The following SCIN variants were observed in gnomAD, a reference collection of about 807,000 sequenced individuals.
SCIN encodes adseverin.
In SCIN, 91 loss-of-function variants were observed where a neutral mutation model predicts 91.8. The ratio of observed to expected loss-of-function variants is 0.99; its 90% CI spans 0.84 to 1.18. SCIN has a LOEUF of 1.18. SCIN is among the 50% of genes most tolerant of loss of function. The pLI, the probability that SCIN is intolerant of heterozygous loss-of-function variation, is 0.00. For synonymous variants in SCIN, 367 were observed against 312.6 expected, an observed-to-expected ratio of 1.17 and a Z score of -1.84; for missense variants, 1,087 against 863.9, an observed-to-expected ratio of 1.26 and a Z score of -3.24.
chr7:12,583,074 G>A (rs1782521391), intron 3 of SCIN, among the ~76,000 whole-genome samples: 1 of 151,654 alleles, frequency 6.6e-6, no homozygotes, highest in Non-Finnish European at 1.5e-5. Flanking sequence ...CAGTGATAAT[G>A]TAATTAATTG....
At chr7:12,646,075 A>G (rs6971941) in intron 13 of SCIN, among the ~76,000 whole-genome samples, 6,692 of 152,334 alleles carry the variant, frequency 0.044, 483 homozygotes, top group African/African-American at 0.15. Flanking sequence ...CAAAAATCAC[A>G]GAAAGCTATA....
chr7:12,593,000 G>C (rs1314283604), intron 3 of SCIN, among the ~76,000 whole-genome samples: 1 of 152,248 alleles, frequency 6.6e-6, no homozygotes, highest in Non-Finnish European at 1.5e-5. Context: ...GGGAGTGCAA[G>C]TGATTCTTCA....
intron 3 of SCIN, among the ~76,000 whole-genome samples, chr7:12,591,336 C>T (rs1033011608): frequency 2.6e-5 from 4 of 152,032 alleles, no homozygotes; most frequent in African/African-American, 4.8e-5. Context: ...GAACTGTGGA[C>T]GGTGGTATTC....
chr7:12,649,407 C>A, intron 13 of SCIN, 60 bp from the exon 14 acceptor site: 2 of 1,079,806 alleles, frequency 1.9e-6, no homozygotes, highest in Non-Finnish European at 2.7e-6. Flanking sequence ...CATTTCTATC[C>A]TATGTATTAG....
chr7:12,581,005 C>CA, intron 2 of SCIN, 55 bp from the exon 3 acceptor site: 1 of 1,519,422 alleles, frequency 6.6e-7, no homozygotes, highest in Middle Eastern at 1.9e-4. Flanking sequence ...TCTAGGCAGA[C>CA]ACCTCATCAG....
intron 3 of SCIN, among the ~76,000 whole-genome samples, chr7:12,584,492 G>A (rs1176559913): frequency 6.6e-6 from 1 of 151,978 alleles, no homozygotes; most frequent in African/African-American, 2.4e-5. Flanking sequence ...TCCTTTTATT[G>A]AATTTTAAAT....
chr7:12,592,761 G>A (rs1488703938), intron 3 of SCIN, among the ~76,000 whole-genome samples: 2 of 152,182 alleles, frequency 1.3e-5, no homozygotes, highest in African/African-American at 4.8e-5. Context: ...AAGCGGACAA[G>A]AGATGAGTCC....
chr7:12,633,478 G>T (rs926379837), intron 9 of SCIN, among the ~76,000 whole-genome samples: 3 of 152,334 alleles, frequency 2.0e-5, no homozygotes, highest in Admixed American at 2.0e-4. Flanking sequence ...ACTTGAATCT[G>T]TGTGGATGGC....
chr7:12,622,742 A>G (rs756435665), intron 4 of SCIN, 59 bp from the exon 5 acceptor site: 1 of 1,161,314 alleles, frequency 8.6e-7, no homozygotes, highest in Non-Finnish European at 1.3e-6. Flanking sequence ...TATTTTTCTA[A>G]CTCTGCATCC....
At chr7:12,642,890 G>A (rs1320077059) in intron 11 of SCIN, among the ~76,000 whole-genome samples, 2 of 151,970 alleles carry the variant, frequency 1.3e-5, no homozygotes, top group Non-Finnish European at 2.9e-5. Context: ...CCCCTTCACT[G>A]TGGTCTCATT....
chr7:12,619,525 A>C (rs1175682808), intron 4 of SCIN, among the ~76,000 whole-genome samples: 1 of 152,182 alleles, frequency 6.6e-6, no homozygotes, highest in Non-Finnish European at 1.5e-5. Flanking sequence ...TTTAAAAAGA[A>C]AAGTTCACCT....
intron 9 of SCIN, among the ~76,000 whole-genome samples, chr7:12,631,589 AG>A (rs754725012): frequency 3.3e-5 from 5 of 152,286 alleles, no homozygotes; most frequent in Non-Finnish European, 5.9e-5. Flanking sequence ...CTTTATAAGA[AG>A]AGAAAGAAGC....
chr7:12,620,282 T>G (rs1208540350), intron 4 of SCIN, among the ~76,000 whole-genome samples: 3 of 152,122 alleles, frequency 2.0e-5, no homozygotes, highest in African/African-American at 7.2e-5. Flanking sequence ...ACCATCATAC[T>G]ATACTTTGTC....
rs1784135060 is a variant in SCIN, at chr7:12,654,390, C to G, written c.*1675C>G. On this transcript the variant is annotated 3_prime_UTR_variant, in exon 16 of 16. Coordinates refer to ENST00000297029, the MANE Select transcript of SCIN (RefSeq NM_001112706.3). ...CATGTGACCCAATTCTGACATTTGC[C>G]TAAAGGAAAATTTACCTAAAAAGGC... The G allele has an allele frequency of 6.6e-6, 1 of 152,066 alleles. No homozygotes were observed. Among genetic ancestry groups the G allele is most frequent in the South Asian group, 2.1e-4 (1 of 4,826 alleles). 9.4% of individuals were successfully genotyped at this position (152,066 alleles called of 1,614,324 possible).
rs759024919 is a variant in SCIN, at chr7:12,626,666, G to A, written c.1064G>A (p.Gly355Asp). 2 of 1,563,368 alleles carry A rather than the reference G, an allele frequency of 1.3e-6. No individual in the cohort carries two copies. Among genetic ancestry groups the A allele is most frequent in the South Asian group, 1.2e-5 (1 of 84,804 alleles). ...KDWRDKDQSD[G>D]FGKVYVTEKV... ...TGGAGAGATAAAGATCAGAGTGATG[G>A]CTTCGGGAAAGTTTATGTCACAGAG... The change falls in exon 8 of 16, where the codon GGC becomes GAC. Residue 355 changes from glycine to aspartate, a missense_variant. Transcript: ENST00000297029.
intron 2 of SCIN, among the ~76,000 whole-genome samples, chr7:12,580,781 T>A (rs1782471250): frequency 6.6e-6 from 1 of 152,232 alleles, no homozygotes; most frequent in Non-Finnish European, 1.5e-5. Flanking sequence ...CTTTTTGTTT[T>A]TGCAGCAGCG....
At chr7:12,629,933 A>T (rs1209328798) in intron 9 of SCIN, among the ~76,000 whole-genome samples, 1 of 152,106 alleles carries the variant, frequency 6.6e-6, no homozygotes, top group Admixed American at 6.5e-5. Flanking sequence ...GTAAAAATAG[A>T]ATATTGCTAA....
At chr7:12,616,268 G>A (rs1435973431) in intron 4 of SCIN, among the ~76,000 whole-genome samples, 2 of 152,040 alleles carry the variant, frequency 1.3e-5, no homozygotes, top group Admixed American at 6.6e-5. Context: ...TTGGGAAATG[G>A]GACCTAATAA....
At chr7:12,588,505 C>G (rs915797457) in intron 3 of SCIN, among the ~76,000 whole-genome samples, 2 of 151,996 alleles carry the variant, frequency 1.3e-5, no homozygotes, top group Non-Finnish European at 1.5e-5. Context: ...AGTTTACTAA[C>G]CTGCCAGGCT....
Sources: gnomAD v4.1 joint callset for allele counts (sites outside exome capture counted in the v4.1 genomes callset) on GRCh38, gnomAD v4.1.1 for gene constraint, MANE v1.5 for transcripts, NCBI Gene and HGNC (gene_info 2026-07-23, HGNC 2026-07-21) for gene names.